The following ZNF638 variants were observed in gnomAD, a reference collection of about 807,000 sequenced individuals.
ZNF638 encodes the protein zinc finger protein 638, also known as CTCL tumor antigen se33-1.
Under a neutral mutation model 195.6 loss-of-function variants are expected in ZNF638, and 46 were observed. The ratio of observed to expected loss-of-function variants is 0.24; its 90% CI spans 0.19 to 0.30. The LOEUF (loss-of-function observed/expected upper bound fraction) is 0.30, where lower values mean the gene tolerates loss of function less well. Ranked by LOEUF, ZNF638 falls within the 10% of genes least tolerant of loss-of-function variation. The pLI is 1.00. For missense variants in ZNF638, 2,440 were observed against 2,325.3 expected, an observed-to-expected ratio of 1.05 and a Z score of -1.01; for synonymous variants, 845 against 772.0, an observed-to-expected ratio of 1.09 and a Z score of -1.57.
chr2:71,332,145 C>T (rs946225200), intron 1 of ZNF638, among the ~76,000 whole-genome samples: 1 of 152,214 alleles, frequency 6.6e-6, no homozygotes, highest in Non-Finnish European at 1.5e-5. Flanking sequence ...AGGACCCTGC[C>T]TCGAGAAGAG....
Position 71,400,108 on chromosome 2 carries a change from G to A in ZNF638, c.2588-4G>A, listed in dbSNP as rs146646821. On this transcript the variant is annotated splice_polypyrimidine_tract_variant and splice_region_variant and intron_variant, in intron 13 of 27. Coordinates refer to ENST00000264447, the MANE Select transcript of ZNF638 (RefSeq NM_014497.5). ...AGACTATTAAAGCAGACTATTTCAT[G>A]CAGAAAACTCTGAAATAAAGACCAG... 1.1e-3 allele frequency: 1,781 copies of A among 1,600,078 alleles called. 19 individuals are homozygous for A. The African/African-American group carries it at 0.021, about 19-fold the overall frequency.
At chr2:71,373,537 C>T (rs773002545) in intron 8 of ZNF638, among the ~76,000 whole-genome samples, 2 of 149,408 alleles carry the variant, frequency 1.3e-5, no homozygotes, top group African/African-American at 2.5e-5. Flanking sequence ...CTCCACCTCC[C>T]GGGTTCACGT....
chr2:71,405,997 C>T lies in ZNF638; in HGVS notation c.3001-131C>T, dbSNP rs1004669798. The T allele has an allele frequency of 3.0e-6, 3 of 1,014,132 alleles. No individual in the cohort carries two copies. The Admixed American group carries it at 7.0e-5, about 24-fold the overall frequency. The allele number at this position is 1,014,132 out of a possible 1,614,324, so 62.8% of individuals were successfully genotyped here. ...AAATTAAGACCTCACTGTCTTCCCC[C>T]ATGTAGTCATTTTCTTACTCTTGGG... is the stretch of plus-strand genomic sequence containing the variant. On this transcript the variant is annotated intron_variant, in intron 18 of 27. Transcript: ENST00000264447.
intron 20 of ZNF638, 191 bp downstream of exon 20, chr2:71,408,438 A>G: frequency 1.6e-6 from 1 of 629,000 alleles, no homozygotes; most frequent in Non-Finnish European, 2.6e-6. Context: ...AGAAATTTTC[A>G]ACAATGTAAC....
At chr2:71,335,103 C>G (rs1447954937) in intron 1 of ZNF638, among the ~76,000 whole-genome samples, 1 of 152,140 alleles carries the variant, frequency 6.6e-6, no homozygotes, top group African/African-American at 2.4e-5. Flanking sequence ...CTAAGGCCAC[C>G]ATGGTTCCCT....
chr2:71,368,371 T>C lies in ZNF638; in HGVS notation c.1996-11T>C, dbSNP rs1194596682. The C allele has an allele frequency of 3.1e-6, 5 of 1,602,630 alleles. No individual in the cohort carries two copies. In the African/African-American group the frequency reaches 5.4e-5, roughly 17 times the overall value. On this transcript the variant is annotated splice_polypyrimidine_tract_variant and intron_variant, in intron 6 of 27. Coordinates refer to ENST00000264447, the MANE Select transcript of ZNF638 (RefSeq NM_014497.5). ...TGGTTTATTTTAAATTTTCTTTCAC[T>C]CCAAAAATAGCTTCGGAAAGAACAG...
chr2:71,334,965 AAGGGTTTTGGTTTGAAAAGAAAGTCC>A (rs1227536939), intron 1 of ZNF638, among the ~76,000 whole-genome samples: 30 of 152,124 alleles, frequency 2.0e-4, no homozygotes, highest in South Asian at 1.2e-3. Flanking sequence ...TAAGAATAAT[AAGGGTTTTGGTTTGAAAAGAAAGTCC>A]AGGGTTTTGG....
At chr2:71,416,930 G>A (rs1338045086) in intron 20 of ZNF638, among the ~76,000 whole-genome samples, 1 of 151,506 alleles carries the variant, frequency 6.6e-6, no homozygotes, top group African/African-American at 2.4e-5. Flanking sequence ...GTGTCTTTTT[G>A]TTTGTCTGTG....
chr2:71,377,556 T>G (rs2079454152), intron 8 of ZNF638, among the ~76,000 whole-genome samples: 1 of 152,232 alleles, frequency 6.6e-6, no homozygotes, highest in Non-Finnish European at 1.5e-5. Context: ...GATGAGAGGT[T>G]TTCATTTTAA....
At chr2:71,376,115 G>A (rs2079417866) in intron 8 of ZNF638, 1 of 152,324 alleles carries the variant, frequency 6.6e-6, no homozygotes, top group East Asian at 1.9e-4. Flanking sequence ...TAAAGTAGCA[G>A]TGTAAGTCCA....
rs1256103511 is a variant in ZNF638 at position 71,428,322 on chromosome 2, A to G, written c.5546-225A>G. Among the ~76,000 whole-genome samples the G allele has an allele frequency of 3.3e-5, 5 of 152,220 alleles. 1 individual carries two copies. In the East Asian group the frequency reaches 7.7e-4, roughly 23 times the overall value. On this transcript the variant is annotated intron_variant, in intron 24 of 27. Coordinates refer to ENST00000264447, the MANE Select transcript of ZNF638 (RefSeq NM_014497.5). ...TCCTGGGAAAAGAAGTTAGAAAAGC[A>G]TAGTTACTTGGAAAATGATAACTGG... is the stretch of plus-strand genomic sequence containing the variant.
At chr2:71,356,094 A>G (rs1327926745) in intron 3 of ZNF638, among the ~76,000 whole-genome samples, 1 of 152,190 alleles carries the variant, frequency 6.6e-6, no homozygotes, top group African/African-American at 2.4e-5. Flanking sequence ...TTCTTCTCCT[A>G]TCTCCACCTC....
chr2:71,404,146 C>T, intron 17 of ZNF638, 148 bp downstream of exon 17: 1 of 726,502 alleles, frequency 1.4e-6, no homozygotes. Flanking sequence ...AACAATCACC[C>T]AGTCACCCAT....
intron 20 of ZNF638, among the ~76,000 whole-genome samples, chr2:71,411,231 C>T (rs955667193): frequency 4.6e-5 from 7 of 150,986 alleles, no homozygotes. Flanking sequence ...AACTCCTGAC[C>T]TCATGATCTG....
intron 11 of ZNF638, among the ~76,000 whole-genome samples, chr2:71,398,481 G>GT: frequency 6.6e-6 from 1 of 152,280 alleles, no homozygotes; most frequent in South Asian, 2.1e-4. Flanking sequence ...CTATACCCCA[G>GT]TAGGGAGGTA....
At chr2:71,393,534 G>T in intron 10 of ZNF638, 1 of 717,870 alleles carries the variant, frequency 1.4e-6, no homozygotes, top group South Asian at 1.5e-5. Context: ...CACAAGCCCC[G>T]GACATTACCT....
chr2:71,432,543 G>GT (rs2080687556), intron 26 of ZNF638, among the ~76,000 whole-genome samples: 1 of 152,138 alleles, frequency 6.6e-6, no homozygotes, highest in Non-Finnish European at 1.5e-5. Flanking sequence ...TAATGACTTG[G>GT]TATTCTGAAG....
intron 19 of ZNF638, among the ~76,000 whole-genome samples, chr2:71,406,839 A>G (rs2080114515): frequency 6.6e-6 from 1 of 152,016 alleles, no homozygotes; most frequent in South Asian, 2.1e-4. Context: ...GTCTCTACAA[A>G]AAGTTTAAAA....
chr2:71,353,805 T>A (rs562961687), intron 2 of ZNF638, among the ~76,000 whole-genome samples: 1 of 152,214 alleles, frequency 6.6e-6, no homozygotes, highest in Non-Finnish European at 1.5e-5. Context: ...TAAAACACTT[T>A]ATGGTTCAAA....
Sources: gnomAD v4.1 joint callset for allele counts (sites outside exome capture counted in the v4.1 genomes callset) on GRCh38, gnomAD v4.1.1 for gene constraint, MANE v1.5 for transcripts, NCBI Gene and HGNC (gene_info 2026-07-23, HGNC 2026-07-21) for gene names.